TMEM150C: variants seen among roughly 807,000 people sequenced by gnomAD.
TMEM150C encodes the protein transmembrane protein 150C, also known as tentonin 3.
In TMEM150C, 10 loss-of-function variants were observed where a neutral mutation model predicts 29.9. The observed-to-expected ratio is 0.33, with a 90% confidence interval of 0.21 to 0.57. The LOEUF is 0.57. TMEM150C is among the 20% of genes least tolerant of loss of function. The pLI is 0.88. For missense variants in TMEM150C, 251 were observed against 303.6 expected (o/e 0.83, Z 1.29); for synonymous variants, 101 against 112.5 (o/e 0.90, Z 0.64).
intron 5 of TMEM150C, among the ~76,000 whole-genome samples, chr4:82,501,015 T>C: frequency 6.6e-6 from 1 of 152,252 alleles, no homozygotes; most frequent in East Asian, 1.9e-4. Flanking sequence ...CCTGCAGGCC[T>C]ACGTGCTATA....
chr4:82,506,495 T>C (rs998809499), intron 1 of TMEM150C, among the ~76,000 whole-genome samples: 1 of 152,216 alleles, frequency 6.6e-6, no homozygotes, highest in African/African-American at 2.4e-5. Flanking sequence ...ATAATTTAAT[T>C]TGCAACTAAT....
intron 1 of TMEM150C, among the ~76,000 whole-genome samples, chr4:82,511,704 C>T (rs975559779): frequency 1.6e-4 from 25 of 151,968 alleles, no homozygotes; most frequent in African/African-American, 5.8e-4. Context: ...TGGGCTCAAG[C>T]GATCCACCTG....
At position 82,491,144 on chromosome 4, in the gene TMEM150C, A is replaced by G. The variant is rs1723331066; in HGVS notation, c.364-906T>C. 4 of 702,044 alleles carry G rather than the reference A, an allele frequency of 5.7e-6. 1 individual carries two copies. Among genetic ancestry groups the G allele is most frequent in the Non-Finnish European group, 1.0e-5 (4 of 382,902 alleles). 43.5% of individuals were successfully genotyped at this position (702,044 alleles called of 1,614,324 possible). A position where few individuals can be genotyped will look rare whatever the true frequency, so the allele number is the denominator to read the frequency against. ...AGACAGCTAGCTCGATGGGATCCACATCGTGTGCAATCACCACCAGCTGAG... is the reference window on the plus strand; with the variant it reads ...AGACAGCTAGCTCGATGGGATCCACGTCGTGTGCAATCACCACCAGCTGAG... On this transcript the variant is annotated intron_variant, in intron 6 of 7. Coordinates refer to ENST00000449862, the MANE Select transcript of TMEM150C (RefSeq NM_001080506.3).
chr4:82,541,678 A>G (rs781308118), intron 1 of TMEM150C, among the ~76,000 whole-genome samples: 2 of 152,190 alleles, frequency 1.3e-5, no homozygotes, highest in African/African-American at 2.4e-5. Flanking sequence ...AATTCCCACT[A>G]TGTACTTAAA....
chr4:82,559,546 C>T (rs767878203), intron 1 of TMEM150C, among the ~76,000 whole-genome samples: 2 of 152,126 alleles, frequency 1.3e-5, no homozygotes, highest in East Asian at 3.8e-4. Flanking sequence ...GAGAGTGAGA[C>T]TCCGCCTCAA....
chr4:82,528,064 T>TA lies in TMEM150C; in HGVS notation c.-10-23398dup, dbSNP rs533669932. Among the ~76,000 whole-genome samples the TA allele has an allele frequency of 5.9e-5, 9 of 152,334 alleles. No homozygotes were observed. The East Asian group carries it at 1.7e-3, about 29-fold the overall frequency. On this transcript the variant is annotated intron_variant, in intron 1 of 7. Coordinates refer to ENST00000449862, the MANE Select transcript of TMEM150C (RefSeq NM_001080506.3). ...AGATTAATATTAACCTTAGACCTCA[T>TA]AATCTATGGGGGAGGAGGATTCTTA...
intron 1 of TMEM150C, among the ~76,000 whole-genome samples, chr4:82,557,577 C>T (rs1005365193): frequency 1.3e-5 from 2 of 152,018 alleles, no homozygotes; most frequent in African/African-American, 4.8e-5. Context: ...AACACCGACA[C>T]GAGGGGCCAG....
rs2110088485 is a variant in TMEM150C at position 82,542,791 on chromosome 4, T to C, written c.-11+19115A>G. 2.0e-5 allele frequency among the ~76,000 whole-genome samples: 3 copies of C among 152,260 alleles called. No individual in the cohort carries two copies. In the South Asian group the frequency reaches 6.2e-4, roughly 32 times the overall value. ...CAAGGTGATTGCCAGTGTCATTAAA[T>C]GGATCCAGGTGAAAGACACACTAGC... On this transcript the variant is annotated intron_variant, in intron 1 of 7. Coordinates refer to ENST00000449862, the MANE Select transcript of TMEM150C (RefSeq NM_001080506.3).
intron 1 of TMEM150C, among the ~76,000 whole-genome samples, chr4:82,543,147 T>C (rs1288887717): frequency 6.6e-6 from 1 of 151,910 alleles, no homozygotes; most frequent in African/African-American, 2.4e-5. Flanking sequence ...GCCCAGGGGG[T>C]CTAACTCCAG....
intron 4 of TMEM150C, 31 bp from the exon 5 acceptor site, chr4:82,502,825 T>A (rs1282937233): frequency 1.3e-6 from 2 of 1,588,552 alleles, no homozygotes; most frequent in Non-Finnish European, 8.6e-7. Context: ...TTATAGTTAC[T>A]ATATCAAAAT....
rs1723790203 is a variant in TMEM150C at position 82,503,130 on chromosome 4, GTT to G, written c.81-20_81-19del. ...TGAAGTATCTATCAAAAAAGAATAA[GTT>G]TATAGAACAAAGAAATTGGAAAAAA... On this transcript the variant is annotated intron_variant, in intron 2 of 7. Coordinates refer to ENST00000449862, the MANE Select transcript of TMEM150C (RefSeq NM_001080506.3). 6.5e-7 allele frequency: 1 copy of G among 1,547,006 alleles called. No homozygotes were observed. The highest frequency in any genetic ancestry group is 1.4e-5 in the African/African-American group (1 of 72,872).
chr4:82,489,917 T>G, intron 7 of TMEM150C, 144 bp downstream of exon 7: 1 of 748,026 alleles, frequency 1.3e-6, no homozygotes, highest in Non-Finnish European at 2.1e-6. Context: ...GGTCTGAGGG[T>G]TTTTGTTTTT....
intron 6 of TMEM150C, among the ~76,000 whole-genome samples, chr4:82,492,118 TTG>T (rs1723372946): frequency 2.0e-5 from 1 of 49,208 alleles, no homozygotes; most frequent in Non-Finnish European, 3.1e-5. Flanking sequence ...TAATTGTTTT[TTG>T]TTGTTGTTGT....
intron 1 of TMEM150C, among the ~76,000 whole-genome samples, chr4:82,524,351 T>C (rs1229321122): frequency 6.6e-6 from 1 of 152,174 alleles, no homozygotes; most frequent in African/African-American, 2.4e-5. Context: ...AAAAATCTGT[T>C]TTTTCTTTTT....
At chr4:82,539,139 C>G (rs1725115049) in intron 1 of TMEM150C, among the ~76,000 whole-genome samples, 1 of 152,012 alleles carries the variant, frequency 6.6e-6, no homozygotes, top group Non-Finnish European at 1.5e-5. Context: ...CTAAGAAAAC[C>G]AGGAATAAAA....
At chr4:82,521,644 T>C (rs1724488658) in intron 1 of TMEM150C, among the ~76,000 whole-genome samples, 1 of 152,092 alleles carries the variant, frequency 6.6e-6, no homozygotes, top group Admixed American at 6.6e-5. Context: ...TGAAAGGGAA[T>C]GGAAGGCTAT....
intron 1 of TMEM150C, among the ~76,000 whole-genome samples, chr4:82,551,632 T>C (rs930027958): frequency 1.3e-5 from 2 of 152,200 alleles, no homozygotes; most frequent in African/African-American, 4.8e-5. Context: ...ACTACTCTTT[T>C]TGATCCTATA....
At chr4:82,515,455 T>C (rs1724260945) in intron 1 of TMEM150C, among the ~76,000 whole-genome samples, 2 of 152,096 alleles carry the variant, frequency 1.3e-5, no homozygotes, top group Admixed American at 1.3e-4. Flanking sequence ...AAGAAATCTC[T>C]TGGCCGGGCG....
intron 1 of TMEM150C, among the ~76,000 whole-genome samples, chr4:82,560,906 C>T (rs1368797265): frequency 1.3e-5 from 2 of 152,214 alleles, no homozygotes; most frequent in Non-Finnish European, 2.9e-5. Context: ...CCAACAGGAC[C>T]TCGCATGTAG....
Sources: gnomAD v4.1 joint callset for allele counts (sites outside exome capture counted in the v4.1 genomes callset) on GRCh38, gnomAD v4.1.1 for gene constraint, MANE v1.5 for transcripts, NCBI Gene and HGNC (gene_info 2026-07-23, HGNC 2026-07-21) for gene names.